Variants in CDC42EP3 observed in about 807,000 individuals in gnomAD.
CDC42EP3 encodes CDC42 effector protein (Rho GTPase binding) 3.
Under a neutral mutation model 15.5 loss-of-function variants are expected in CDC42EP3, and 4 were observed. That is an observed-to-expected ratio of 0.26 (90% CI 0.13 to 0.59). The LOEUF (loss-of-function observed/expected upper bound fraction) is 0.59. CDC42EP3 is among the 20% of genes least tolerant of loss of function. CDC42EP3 has a pLI of 0.89. For missense variants in CDC42EP3, 309 were observed against 311.2 expected, an observed-to-expected ratio of 0.99 and a Z score of 0.05; for synonymous variants, 145 against 130.3, an observed-to-expected ratio of 1.11 and a Z score of -0.77.
At chr2:37,654,342 C>T (rs1665782132) in intron 1 of CDC42EP3, among the ~76,000 whole-genome samples, 1 of 152,050 alleles carries the variant, frequency 6.6e-6, no homozygotes, top group Non-Finnish European at 1.5e-5. Flanking sequence ...TGAGAAGAGG[C>T]TGAAGGAATA....
intron 1 of CDC42EP3, among the ~76,000 whole-genome samples, chr2:37,670,854 T>C (rs1009916080): frequency 6.6e-6 from 1 of 152,188 alleles, no homozygotes; most frequent in African/African-American, 2.4e-5. Flanking sequence ...AGCCACTTAG[T>C]TTCAAGGAGA....
At chr2:37,662,275 G>A (rs1572522248) in intron 1 of CDC42EP3, among the ~76,000 whole-genome samples, 1 of 152,252 alleles carries the variant, frequency 6.6e-6, no homozygotes, top group East Asian at 1.9e-4. Context: ...GCAAAGGTGG[G>A]AGTCTTCCTG....
Position 37,667,294 on chromosome 2 carries a change from A to C in CDC42EP3, c.-236+4132T>G, listed in dbSNP as rs186020047. 1.5e-3 allele frequency among the ~76,000 whole-genome samples: 222 copies of C among 152,290 alleles called. 1 individual carries two copies. Among genetic ancestry groups the C allele is most frequent in the African/African-American group, 5.2e-3 (218 of 41,550 alleles). Reference sequence around the variant, plus strand: ...TCCTCTTCTGCTGAGTTCTTGCAGCAACATCATCAACAAACATGGACTAAA... The same window carrying C: ...TCCTCTTCTGCTGAGTTCTTGCAGCCACATCATCAACAAACATGGACTAAA... On this transcript the variant is annotated intron_variant, in intron 1 of 1. Transcript: ENST00000295324.
Position 37,659,930 on chromosome 2 carries a change from T to A in CDC42EP3, c.-236+11496A>T, listed in dbSNP as rs149312061. ...AACGAAACTGCTATCTCACTGCTGT[T>A]CCTGGCCTGAGCGGGGGAAGAGCTG... is the stretch of plus-strand genomic sequence containing the variant. On this transcript the variant is annotated intron_variant, in intron 1 of 1. Coordinates refer to ENST00000295324, the MANE Select transcript of CDC42EP3 (RefSeq NM_006449.5). Among the ~76,000 whole-genome samples, 245 of 152,328 alleles carry A rather than the reference T, an allele frequency of 1.6e-3. 1 individual carries two copies. The highest frequency in any genetic ancestry group is 5.7e-3 in the African/African-American group (236 of 41,570).
intron 1 of CDC42EP3, among the ~76,000 whole-genome samples, chr2:37,668,052 T>C: frequency 6.6e-6 from 1 of 152,252 alleles, no homozygotes; most frequent in East Asian, 1.9e-4. Flanking sequence ...TATACATACA[T>C]ACCTGTTATA....
At chr2:37,652,895 C>G (rs896699650) in intron 1 of CDC42EP3, among the ~76,000 whole-genome samples, 7 of 152,250 alleles carry the variant, frequency 4.6e-5, no homozygotes, top group African/African-American at 7.2e-5. Flanking sequence ...TTGCATTTCT[C>G]TACTCCCACT....
At position 37,646,147 on chromosome 2, in the gene CDC42EP3, G is replaced by A. The variant is rs764383096; in HGVS notation, c.441C>T (p.Pro147=). The change falls in exon 2 of 2, where the codon CCC becomes CCT. Residue 147 remains proline, a synonymous_variant. Coordinates refer to ENST00000295324, the MANE Select transcript of CDC42EP3 (RefSeq NM_006449.5). ...TCTCCTGAGCTTTTTCCTCCATGAC[G>A]GGCTCGCAGCTAAGCCTGGGCAGCT... ...PAKLPRLSCE[P]VMEEKAQEKS... 1.9e-5 allele frequency: 31 copies of A among 1,614,036 alleles called. No homozygotes were observed. The highest frequency in any genetic ancestry group is 1.3e-4 in the Admixed American group (8 of 60,004).
chr2:37,646,182 C>T lies in CDC42EP3; in HGVS notation c.406G>A (p.Gly136Arg), dbSNP rs751334712. The T allele has an allele frequency of 1.8e-5, 29 of 1,613,984 alleles. No individual in the cohort carries two copies. Among genetic ancestry groups the T allele is most frequent in the African/African-American group, 4.0e-5 (3 of 74,874 alleles). The change falls in exon 2 of 2, where the codon GGG becomes AGG. Residue 136 changes from glycine (G) to arginine (R), a missense_variant. Gly to Arg is a moderately radical substitution (Grantham distance 125). Coordinates refer to ENST00000295324, the MANE Select transcript of CDC42EP3 (RefSeq NM_006449.5). Reference sequence around the variant, plus strand: ...CTAAGCCTGGGCAGCTTTGCTGGCCCGAAGGACTCCTGTTTGGAATTAAAT... The same window carrying T: ...CTAAGCCTGGGCAGCTTTGCTGGCCTGAAGGACTCCTGTTTGGAATTAAAT... Reference protein sequence around the residue: ...VTFNSKQESFGPAKLPRLSCE... With the variant: ...VTFNSKQESFRPAKLPRLSCE...
At position 37,661,476 on chromosome 2, in the gene CDC42EP3, G is replaced by GTGCC. The variant is rs527283312; in HGVS notation, c.-236+9946_-236+9949dup. Among the ~76,000 whole-genome samples, 384 of 152,330 alleles carry GTGCC rather than the reference G, an allele frequency of 2.5e-3. 3 individuals carry two copies. Among genetic ancestry groups the GTGCC allele is most frequent in the Admixed American group, 4.8e-3 (73 of 15,306 alleles). On this transcript the variant is annotated intron_variant, in intron 1 of 1. Transcript: ENST00000295324. ...CAGGAGACGTAGAGGGAGCTTCATT[G>GTGCC]TGCCAGTGGCTAACTGGGGTCCAGA... is the stretch of plus-strand genomic sequence containing the variant.
intron 1 of CDC42EP3, among the ~76,000 whole-genome samples, chr2:37,666,775 C>G (rs1471119785): frequency 1.3e-5 from 2 of 150,042 alleles, no homozygotes; most frequent in African/African-American, 4.9e-5. Flanking sequence ...TCATGTGATT[C>G]TGATGAAACT....
Position 37,665,851 on chromosome 2 carries a change from G to T in CDC42EP3, c.-236+5575C>A, listed in dbSNP as rs1022488746. ...GATAGCTATGCTAATAGGTGCCACT[G>T]ATCCTGGCTCACTGTTCTGGAGCCA... On this transcript the variant is annotated intron_variant, in intron 1 of 1. Coordinates refer to ENST00000295324, the MANE Select transcript of CDC42EP3 (RefSeq NM_006449.5). 1.8e-4 allele frequency among the ~76,000 whole-genome samples: 7 copies of T among 39,548 alleles called. No individual in the cohort carries two copies. The Admixed American group carries it at 2.3e-3, about 13-fold the overall frequency. 25.9% of individuals were successfully genotyped at this position (39,548 alleles called of 152,430 possible).
chr2:37,665,784 G>T (rs758549818), intron 1 of CDC42EP3, among the ~76,000 whole-genome samples: 3 of 152,142 alleles, frequency 2.0e-5, no homozygotes, highest in Non-Finnish European at 4.4e-5. Flanking sequence ...AGATCTGCAC[G>T]GGTCTGTTTT....
intron 1 of CDC42EP3, among the ~76,000 whole-genome samples, chr2:37,663,075 G>GA (rs1666123278): frequency 6.6e-6 from 1 of 152,256 alleles, no homozygotes; most frequent in Admixed American, 6.5e-5. Context: ...TGAGGCAGGA[G>GA]AATCTCTTGA....
At chr2:37,671,740 G>GGCGC (rs1666431078), upstream of CDC42EP3, 1 of 150,656 alleles carries the variant, frequency 6.6e-6, no homozygotes, top group Non-Finnish European at 1.5e-5. Flanking sequence ...CGGGGCGGAG[G>GGCGC]GCGCGGGCAG....
At chr2:37,664,699 TG>T (rs1296260202) in intron 1 of CDC42EP3, among the ~76,000 whole-genome samples, 5 of 152,098 alleles carry the variant, frequency 3.3e-5, no homozygotes, top group Non-Finnish European at 7.4e-5. Context: ...ACAAGATAAA[TG>T]AGATTCAGTC....
intron 1 of CDC42EP3, among the ~76,000 whole-genome samples, chr2:37,651,069 C>T (rs1665659694): frequency 6.6e-6 from 1 of 151,958 alleles, no homozygotes. Flanking sequence ...TCAGATCTAA[C>T]AAAGGATGAA....
intron 1 of CDC42EP3, among the ~76,000 whole-genome samples, chr2:37,659,334 G>T (rs1389340684): frequency 6.6e-6 from 1 of 152,188 alleles, no homozygotes; most frequent in Admixed American, 6.5e-5. Context: ...ACAAGAAGCT[G>T]TCTCCTCTTT....
chr2:37,668,816 T>G (rs1459929737), intron 1 of CDC42EP3, among the ~76,000 whole-genome samples: 1 of 152,160 alleles, frequency 6.6e-6, no homozygotes, highest in Non-Finnish European at 1.5e-5. Flanking sequence ...GCTTGACACA[T>G]AGGACGGGCT....
intron 1 of CDC42EP3, among the ~76,000 whole-genome samples, chr2:37,649,381 G>A (rs1665590225): frequency 1.5e-5 from 2 of 134,832 alleles, no homozygotes; most frequent in African/African-American, 5.5e-5. Flanking sequence ...GTTGAGCCCA[G>A]GAATTCAAGG....
Sources: gnomAD v4.1 joint callset for allele counts (sites outside exome capture counted in the v4.1 genomes callset) on GRCh38, gnomAD v4.1.1 for gene constraint, MANE v1.5 for transcripts, NCBI Gene and HGNC (gene_info 2026-07-23, HGNC 2026-07-21) for gene names.